PTPRD: variants seen among roughly 807,000 people sequenced by gnomAD.
PTPRD encodes the protein protein tyrosine phosphatase receptor type D, also known as receptor-type tyrosine-protein phosphatase delta.
In PTPRD, 34 loss-of-function variants were observed where a neutral mutation model predicts 214.5. The ratio of observed to expected loss-of-function variants is 0.16; its 90% CI spans 0.12 to 0.21. PTPRD has a LOEUF of 0.21. Ranked by LOEUF, PTPRD falls within the 10% of genes least tolerant of loss-of-function variation. The probability of loss-of-function intolerance (pLI) is 1.00; values close to 1 mark genes in which losing one functional copy is unlikely to be tolerated. For synonymous variants in PTPRD, 1,128 were observed against 845.7 expected (o/e 1.33, Z -5.79); for missense variants, 2,545 against 2,398.7 (o/e 1.06, Z -1.27).
intron 6 of PTPRD, among the ~76,000 whole-genome samples, chr9:9,740,879 A>C (rs1173017564): frequency 1.3e-5 from 2 of 152,180 alleles, no homozygotes; most frequent in African/African-American, 4.8e-5. Flanking sequence ...ACATATTCTA[A>C]ACAGAGAAAA....
At chr9:10,576,242 C>T (rs2069271511) in intron 2 of PTPRD, among the ~76,000 whole-genome samples, 1 of 152,010 alleles carries the variant, frequency 6.6e-6, no homozygotes, top group Non-Finnish European at 1.5e-5. Flanking sequence ...CTAATGATAT[C>T]TTATAAGAAT....
intron 3 of PTPRD, among the ~76,000 whole-genome samples, chr9:10,143,804 C>G (rs2099004175): frequency 1.3e-5 from 2 of 151,994 alleles, no homozygotes; most frequent in Non-Finnish European, 2.9e-5. Context: ...AACACAGAAG[C>G]AGAAAGCCAA....
At chr9:8,333,612 A>C (rs1332269435) in intron 43 of PTPRD, among the ~76,000 whole-genome samples, 1 of 152,116 alleles carries the variant, frequency 6.6e-6, no homozygotes. Flanking sequence ...ACCAAATTGT[A>C]AAGACCATCA....
chr9:9,432,460 T>G (rs2083570225), intron 8 of PTPRD, among the ~76,000 whole-genome samples: 2 of 152,210 alleles, frequency 1.3e-5, no homozygotes, highest in Non-Finnish European at 2.9e-5. Context: ...GTACTATTAT[T>G]TGTAGCCTAA....
At chr9:8,972,007 A>G (rs2099241381) in intron 11 of PTPRD, among the ~76,000 whole-genome samples, 1 of 151,726 alleles carries the variant, frequency 6.6e-6, no homozygotes, top group Non-Finnish European at 1.5e-5. Flanking sequence ...CAAAATTTAA[A>G]TTATTTAAAA....
At chr9:9,118,902 C>G (rs185858309) in intron 10 of PTPRD, among the ~76,000 whole-genome samples, 1 of 152,228 alleles carries the variant, frequency 6.6e-6, no homozygotes. Flanking sequence ...AAGTGATGCA[C>G]ATGAAATCAC....
At chr9:8,915,032 A>G (rs1390901346) in intron 11 of PTPRD, among the ~76,000 whole-genome samples, 2 of 152,210 alleles carry the variant, frequency 1.3e-5, no homozygotes, top group Non-Finnish European at 2.9e-5. Context: ...TCAAGGAACT[A>G]TAAAACATCT....
chr9:8,340,226 C>T (rs10976972), intron 42 of PTPRD, 117 bp downstream of exon 42: 100,957 of 1,197,254 alleles, frequency 0.084, 4,799 homozygotes, highest in Middle Eastern at 0.11. Flanking sequence ...CGGATTATGT[C>T]CAGAGTGCAC....
At chr9:8,924,209 A>T (rs1046090503) in intron 11 of PTPRD, among the ~76,000 whole-genome samples, 2 of 149,848 alleles carry the variant, frequency 1.3e-5, no homozygotes, top group African/African-American at 5.0e-5. Context: ...GTACTGAAAA[A>T]GGATCAACAT....
chr9:9,225,773 T>A (rs951638305), intron 9 of PTPRD, among the ~76,000 whole-genome samples: 1 of 151,920 alleles, frequency 6.6e-6, no homozygotes, highest in African/African-American at 2.4e-5. Flanking sequence ...CAATAGAACA[T>A]AAAATACAGA....
intron 14 of PTPRD, among the ~76,000 whole-genome samples, chr9:8,562,567 G>T (rs951821353): frequency 5.3e-5 from 8 of 152,042 alleles, no homozygotes; most frequent in Admixed American, 5.2e-4. Context: ...CTTCCAAGTA[G>T]GTGGGACTAC....
chr9:9,073,579 A>T (rs963103781), intron 10 of PTPRD, among the ~76,000 whole-genome samples: 1 of 152,178 alleles, frequency 6.6e-6, no homozygotes, highest in Admixed American at 6.5e-5. Flanking sequence ...GGTTTCCCCA[A>T]AAAGAAGAAA....
intron 3 of PTPRD, among the ~76,000 whole-genome samples, chr9:10,203,293 TA>T (rs1476363683): frequency 1.3e-5 from 2 of 151,832 alleles, no homozygotes; most frequent in Non-Finnish European, 2.9e-5. Flanking sequence ...CATTGGTGTA[TA>T]AATTGAAAGT....
At chr9:8,396,776 C>T (rs556862256) in intron 36 of PTPRD, among the ~76,000 whole-genome samples, 1 of 152,230 alleles carries the variant, frequency 6.6e-6, no homozygotes, top group East Asian at 1.9e-4. Flanking sequence ...ATGCCATTTA[C>T]ACAGCTCTAA....
At chr9:9,272,571 T>C (rs1943386852) in intron 9 of PTPRD, among the ~76,000 whole-genome samples, 1 of 151,306 alleles carries the variant, frequency 6.6e-6, no homozygotes, top group Non-Finnish European at 1.5e-5. Flanking sequence ...GGTCATCTGA[T>C]GCCATTATCT....
At chr9:9,074,024 G>C (rs908201352) in intron 10 of PTPRD, among the ~76,000 whole-genome samples, 2 of 152,010 alleles carry the variant, frequency 1.3e-5, no homozygotes, top group African/African-American at 4.8e-5. Context: ...GGGTAGCATA[G>C]TGCCTGACAC....
At chr9:10,368,938 A>G (rs2097562657) in intron 2 of PTPRD, among the ~76,000 whole-genome samples, 1 of 152,156 alleles carries the variant, frequency 6.6e-6, no homozygotes, top group Non-Finnish European at 1.5e-5. Flanking sequence ...AGCAAAACAC[A>G]CAGGACAGAG....
chr9:8,489,979 T>C (rs545452888), intron 27 of PTPRD, among the ~76,000 whole-genome samples: 3 of 152,166 alleles, frequency 2.0e-5, no homozygotes, highest in Non-Finnish European at 2.9e-5. Flanking sequence ...GGGAAAATAA[T>C]CAGGTGGAAT....
At chr9:10,194,691 G>A (rs1252085022) in intron 3 of PTPRD, among the ~76,000 whole-genome samples, 1 of 150,446 alleles carries the variant, frequency 6.6e-6, no homozygotes, top group Non-Finnish European at 1.5e-5. Context: ...ACATACATTG[G>A]TTACAATGTT....
Sources: gnomAD v4.1 joint callset for allele counts (sites outside exome capture counted in the v4.1 genomes callset) on GRCh38, gnomAD v4.1.1 for gene constraint, MANE v1.5 for transcripts, NCBI Gene and HGNC (gene_info 2026-07-23, HGNC 2026-07-21) for gene names.